The following PCDHGB3 variants were observed in gnomAD, a reference collection of about 807,000 sequenced individuals.
PCDHGB3 encodes the protein protocadherin gamma subfamily B, 3.
A neutral mutation model predicts 59.2 loss-of-function variants in PCDHGB3; 40 were observed. That is an observed-to-expected ratio of 0.68 (90% CI 0.52 to 0.88). The LOEUF (loss-of-function observed/expected upper bound fraction) is 0.88. Among genes scored for constraint, PCDHGB3 ranks in the 40% least tolerant of loss-of-function variants. The pLI is 0.00. For missense variants in PCDHGB3, 1,309 were observed against 1,187.9 expected, an observed-to-expected ratio of 1.10 and a Z score of -1.50; for synonymous variants, 581 against 503.6, an observed-to-expected ratio of 1.15 and a Z score of -2.06.
intron 1 of PCDHGB3, among the ~76,000 whole-genome samples, chr5:141,465,505 G>A (rs905617997): frequency 6.6e-6 from 1 of 152,190 alleles, no homozygotes; most frequent in Non-Finnish European, 1.5e-5. Flanking sequence ...CATTGTCGTG[G>A]TCAGGAAGGA....
In PCDHGB3 at chr5:141,477,028, G is replaced by A. The variant is rs1015508317; in HGVS notation, c.2416-17779G>A. On this transcript the variant is annotated intron_variant, in intron 1 of 3. Coordinates refer to ENST00000576222, the MANE Select transcript of PCDHGB3 (RefSeq NM_018924.5). The surrounding 1 kb of genome is among the most constrained non-coding windows in gnomAD (Gnocchi z 4.9). ...CCTTAGACCTTGTAACCGGGATGCT[G>A]ACAATCAAGGGTCGGCTGGACTTCG... The A allele has an allele frequency of 2.5e-6, 4 of 1,614,146 alleles. No homozygotes were observed. The highest frequency in any genetic ancestry group is 1.7e-5 in the Admixed American group (1 of 60,018).
intron 1 of PCDHGB3, chr5:141,395,849 C>G (rs1173151406): frequency 6.6e-6 from 1 of 152,094 alleles, no homozygotes; most frequent in African/African-American, 2.4e-5. Flanking sequence ...GGAGATGAGA[C>G]TGGTTACTAA....
intron 1 of PCDHGB3, chr5:141,382,963 A>T (rs1778642004): frequency 6.2e-7 from 1 of 1,606,674 alleles, no homozygotes. Context: ...CCTCCTGGGG[A>T]CCCCCTGGGA....
intron 3 of PCDHGB3, among the ~76,000 whole-genome samples, chr5:141,510,504 G>A (rs371169260): frequency 1.3e-5 from 2 of 152,154 alleles, no homozygotes; most frequent in African/African-American, 4.8e-5. Flanking sequence ...AAGGAACTGA[G>A]AGCCCGTGTC....
At position 141,485,831 on chromosome 5, in the gene PCDHGB3, C is replaced by A; in HGVS notation, c.2416-8976C>A. The A allele has an allele frequency of 6.2e-7, 1 of 1,614,080 alleles. No individual in the cohort carries two copies. Among genetic ancestry groups the A allele is most frequent in the Non-Finnish European group, 8.5e-7 (1 of 1,180,026 alleles). ...GCTGACTGCTGTCGATGGAGGGAAC[C>A]CGCCGAGATCTGGCACCGCAGAGCT... On this transcript the variant is annotated intron_variant, in intron 1 of 3. Coordinates refer to ENST00000576222, the MANE Select transcript of PCDHGB3 (RefSeq NM_018924.5). The surrounding 1 kb of genome is among the most constrained non-coding windows in gnomAD (Gnocchi z 5.7).
Position 141,372,729 on chromosome 5 carries a change from G to T in PCDHGB3, c.2335G>T (p.Asp779Tyr). ...AAAGGCTGAAAATGCTGCACCACAAGATCTTCTATGTGATGAAGCCTCTTG... is the reference window on the plus strand; with the variant it reads ...AAAGGCTGAAAATGCTGCACCACAATATCTTCTATGTGATGAAGCCTCTTG... ...NIKAENAAPQ[D>Y]LLCDEASWFE... Residue 779 changes from aspartate (D) to tyrosine (Y), a missense_variant, in exon 1 of 4, where the codon GAT becomes TAT. Coordinates refer to ENST00000576222, the MANE Select transcript of PCDHGB3 (RefSeq NM_018924.5). 1 of 1,613,602 alleles carries T rather than the reference G, an allele frequency of 6.2e-7. No individual in the cohort carries two copies.
At chr5:141,421,388 G>T in intron 1 of PCDHGB3, 17 of 1,614,052 alleles carry the variant, frequency 1.1e-5, no homozygotes, top group Non-Finnish European at 1.4e-5. Flanking sequence ...AAGGACCTGG[G>T]GCTGGAGCCC....
At chr5:141,375,460 C>G (rs184685234) in intron 1 of PCDHGB3, 288 of 1,614,022 alleles carry the variant, frequency 1.8e-4, no homozygotes, top group Non-Finnish European at 2.3e-4. Flanking sequence ...CCTACTCAGT[C>G]TATGTCCTTG....
intron 1 of PCDHGB3, chr5:141,415,740 G>GTTTTTTTTTTTTTTTTTTTTTTTTT: frequency 1.8e-5 from 11 of 617,990 alleles, no homozygotes; most frequent in Non-Finnish European, 2.4e-5. Context: ...GTTTATTAAG[G>GTTTTTTTTTTTTTTTTTTTTTTTTT]TTTTTTTTTT....
At position 141,490,171 on chromosome 5, in the gene PCDHGB3, G is replaced by A. The variant is rs374421995; in HGVS notation, c.2416-4636G>A. 4 of 1,614,100 alleles carry A rather than the reference G, an allele frequency of 2.5e-6. No individual in the cohort carries two copies. The highest frequency in any genetic ancestry group is 3.4e-6 in the Non-Finnish European group (4 of 1,180,034). On this transcript the variant is annotated intron_variant, in intron 1 of 3. Coordinates refer to ENST00000576222, the MANE Select transcript of PCDHGB3 (RefSeq NM_018924.5). The surrounding 1 kb of genome is among the most constrained non-coding windows in gnomAD (Gnocchi z 5.4). ...CCATGTGTTGGGTCCCATAGACTTT[G>A]AGGAGTCACGTTTCTATGAAATTCA...
At chr5:141,428,613 C>T (rs1247239314) in intron 1 of PCDHGB3, 1 of 212,608 alleles carries the variant, frequency 4.7e-6, no homozygotes, top group African/African-American at 2.3e-5. Flanking sequence ...AAGAGAATAA[C>T]AAGATAAGCT....
At chr5:141,484,287 C>T (rs1432341538) in intron 1 of PCDHGB3, among the ~76,000 whole-genome samples, 1 of 152,268 alleles carries the variant, frequency 6.6e-6, no homozygotes, top group Non-Finnish European at 1.5e-5. Context: ...GAAACATCTC[C>T]CTCTCCTGGC....
In PCDHGB3 at chr5:141,489,720, G is replaced by A. The variant is rs560729125; in HGVS notation, c.2416-5087G>A. ...TCCCACTGGACAGTGCCCAGGATCC[G>A]GATGTGGGCACCAATACTGTGAGCT... On this transcript the variant is annotated intron_variant, in intron 1 of 3. Transcript: ENST00000576222. The surrounding 1 kb of genome is among the most constrained non-coding windows in gnomAD (Gnocchi z 4.5). The A allele has an allele frequency of 3.2e-5, 51 of 1,614,200 alleles. No individual in the cohort carries two copies. The highest frequency in any genetic ancestry group is 9.3e-5 in the African/African-American group (7 of 75,048).
At chr5:141,456,819 C>A (rs1453433865) in intron 1 of PCDHGB3, among the ~76,000 whole-genome samples, 1 of 151,982 alleles carries the variant, frequency 6.6e-6, no homozygotes, top group Non-Finnish European at 1.5e-5. Flanking sequence ...AAAAAATTAG[C>A]CATCGTGGTA....
At chr5:141,384,906 C>T (rs767972748) in intron 1 of PCDHGB3, 4 of 1,613,882 alleles carry the variant, frequency 2.5e-6, no homozygotes, top group Non-Finnish European at 3.4e-6. Flanking sequence ...ACAGCATCCC[C>T]GAAGTCTTGG....
intron 1 of PCDHGB3, among the ~76,000 whole-genome samples, chr5:141,443,034 A>T (rs368996869): frequency 2.0e-5 from 3 of 152,172 alleles, no homozygotes; most frequent in East Asian, 3.8e-4. Context: ...CCAGACCTAA[A>T]CTTTGAAAAT....
At chr5:141,417,648 T>A in intron 1 of PCDHGB3, 5 of 818,672 alleles carry the variant, frequency 6.1e-6, no homozygotes, top group Non-Finnish European at 9.1e-6. Flanking sequence ...TCCCTCAGCC[T>A]CTAGCCTGGG....
Position 141,491,547 on chromosome 5 carries a change from G to A in PCDHGB3, c.2416-3260G>A. On this transcript the variant is annotated intron_variant, in intron 1 of 3. Transcript: ENST00000576222. This position sits in a 1 kb window ranked among gnomAD's most constrained non-coding sequence, Gnocchi z 6.9. ...AGGTGACGCTGCGGCCCACAGACTC[G>A]CAGAGCCACTGCTACAGGACGTGCT... is the stretch of plus-strand genomic sequence containing the variant. The A allele has an allele frequency of 4.3e-6, 7 of 1,613,974 alleles. No individual in the cohort carries two copies. The highest frequency in any genetic ancestry group is 5.9e-6 in the Non-Finnish European group (7 of 1,180,022).
Position 141,491,382 on chromosome 5 carries a change from G to T in PCDHGB3, c.2416-3425G>T, listed in dbSNP as rs918558. 0.21 allele frequency: 331,798 copies of T among 1,613,774 alleles called. 36,318 individuals are homozygous for T. The highest frequency in any genetic ancestry group is 0.37 in the Admixed American group (22,359 of 60,012). ...TAGTCACCTTCACCTTTCTGTCAGC[G>T]AAGTGCCTTCAGGGAAACGCAGACG... is the stretch of plus-strand genomic sequence containing the variant. On this transcript the variant is annotated intron_variant, in intron 1 of 3. Transcript: ENST00000576222. This position sits in a 1 kb window ranked among gnomAD's most constrained non-coding sequence, Gnocchi z 6.9.
Sources: gnomAD v4.1 joint callset for allele counts (sites outside exome capture counted in the v4.1 genomes callset) on GRCh38, gnomAD v4.1.1 for gene constraint, Gnocchi (gnomAD v3.1) non-coding constraint, MANE v1.5 for transcripts, NCBI Gene and HGNC (gene_info 2026-07-23, HGNC 2026-07-21) for gene names.